Variants in MGST1 observed in about 807,000 individuals in gnomAD.
MGST1 encodes the protein microsomal glutathione S-transferase 1.
Under a neutral mutation model 8.9 loss-of-function variants are expected in MGST1, and 5 were observed. The observed-to-expected ratio is 0.56, with a 90% CI of 0.29 to 1.19. MGST1 has a LOEUF of 1.19. MGST1 is among the 50% of genes most tolerant of loss of function. MGST1 has a pLI of 0.08. For synonymous variants in MGST1, 54 were observed against 67.8 expected, an observed-to-expected ratio of 0.80 and a Z score of 1.00; for missense variants, 182 against 187.4, an observed-to-expected ratio of 0.97 and a Z score of 0.17.
chr12:16,480,252 C>T (rs972331994), intron 4 of MGST1, among the ~76,000 whole-genome samples: 2 of 150,716 alleles, frequency 1.3e-5, no homozygotes, highest in African/African-American at 4.9e-5. Flanking sequence ...AAGCAATTCT[C>T]CTGCCTCAAC....
Position 16,401,885 on chromosome 12 carries a change from C to G in MGST1, n.778+18281C>G, listed in dbSNP as rs565193787. The G allele has an allele frequency of 6.2e-7, 1 of 1,602,162 alleles. No individual in the cohort carries two copies. Among genetic ancestry groups the G allele is most frequent in the African/African-American group, 1.3e-5 (1 of 74,646 alleles). On this transcript the variant is annotated intron_variant and non_coding_transcript_variant, in intron 1 of 1. Transcript: ENST00000359720. The surrounding 1 kb of genome is among the most constrained non-coding windows in gnomAD (Gnocchi z 4.3). ...CAGCTGCTTTCTTCATTAATTTGAG[C>G]TCCCCATCCTCCCTTACAGCGACTG...
At chr12:16,488,196 A>G (rs1941413114) in intron 4 of MGST1, among the ~76,000 whole-genome samples, 1 of 152,216 alleles carries the variant, frequency 6.6e-6, no homozygotes, top group Non-Finnish European at 1.5e-5. Flanking sequence ...TTTCTGAACA[A>G]TTTAATTTCT....
chr12:16,479,211 T>TATAA (rs1555106413), intron 4 of MGST1, among the ~76,000 whole-genome samples: 3 of 150,546 alleles, frequency 2.0e-5, no homozygotes, highest in South Asian at 4.2e-4. Flanking sequence ...TATATATATA[T>TATAA]AACGTATTTT....
At chr12:16,590,457 A>G (rs1379205105), downstream of MGST1, among the ~76,000 whole-genome samples, 4 of 152,116 alleles carry the variant, frequency 2.6e-5, no homozygotes, top group African/African-American at 7.2e-5. Context: ...TAACTATAAG[A>G]TAATTAAATA....
chr12:16,512,642 G>A lies in MGST1; in HGVS notation n.483-76886G>A, dbSNP rs147111643. On this transcript the variant is annotated intron_variant and non_coding_transcript_variant, in intron 4 of 4. Transcript: ENST00000538857. ...AATATGAAATCTTTATATAGACATC[G>A]CAGACAAAACATAAAATCTGTTCAA... Among the ~76,000 whole-genome samples the A allele has an allele frequency of 4.6e-4, 70 of 151,786 alleles. No individual in the cohort carries two copies. In the East Asian group the frequency reaches 6.8e-3, roughly 15 times the overall value.
chr12:16,371,279 TAAA>T (rs1940288730), intron 3 of MGST1, among the ~76,000 whole-genome samples: 1 of 152,022 alleles, frequency 6.6e-6, no homozygotes, highest in South Asian at 2.1e-4. Flanking sequence ...ACAGATAAAA[TAAA>T]AGAAAAATGT....
chr12:16,570,255 G>A (rs904818492), intron 4 of MGST1, among the ~76,000 whole-genome samples: 3 of 151,968 alleles, frequency 2.0e-5, no homozygotes, highest in South Asian at 2.1e-4. Flanking sequence ...CCTAAAAATC[G>A]GCATTGAAGT....
At position 16,431,770 on chromosome 12, in the gene MGST1, T is replaced by C. The variant is rs193187532; in HGVS notation, n.779-5618T>C. Among the ~76,000 whole-genome samples, 8 of 152,322 alleles carry C rather than the reference T, an allele frequency of 5.3e-5. 1 individual carries two copies. The highest frequency in any genetic ancestry group is 1.7e-4 in the African/African-American group (7 of 41,570). ...TGAATGCATGCTGTTGGGAAAATTA[T>C]GTTGATAGACTTTTTTGATGCAGGG... On this transcript the variant is annotated intron_variant and non_coding_transcript_variant, in intron 1 of 1. Coordinates refer to the MGST1 transcript ENST00000359720.
intron 4 of MGST1, among the ~76,000 whole-genome samples, chr12:16,464,703 AC>A (rs1941242320): frequency 6.6e-6 from 1 of 152,220 alleles, no homozygotes; most frequent in Admixed American, 6.5e-5. Flanking sequence ...TCTTCAAGTG[AC>A]AGTGAGTTCA....
At chr12:16,454,842 T>TA (rs1175658633) in intron 4 of MGST1, among the ~76,000 whole-genome samples, 4 of 86,074 alleles carry the variant, frequency 4.6e-5, no homozygotes, top group African/African-American at 1.1e-4. Flanking sequence ...GTAATTAATG[T>TA]AAAAAAATCA....
At chr12:16,491,355 G>C (rs538134126) in intron 4 of MGST1, among the ~76,000 whole-genome samples, 1 of 152,128 alleles carries the variant, frequency 6.6e-6, no homozygotes, top group African/African-American at 2.4e-5. Flanking sequence ...ATGATTAATT[G>C]TTCTATGTTA....
intron 4 of MGST1, among the ~76,000 whole-genome samples, chr12:16,444,183 G>GTTT (rs1161206533): frequency 6.7e-4 from 86 of 128,420 alleles, no homozygotes; most frequent in African/African-American, 9.1e-4. Context: ...GGCTGATTTG[G>GTTT]TTTTTTTTTT....
At chr12:16,579,937 A>G (rs1051854488) in intron 4 of MGST1, among the ~76,000 whole-genome samples, 1 of 152,172 alleles carries the variant, frequency 6.6e-6, no homozygotes, top group Non-Finnish European at 1.5e-5. Context: ...ATCTGTTGGT[A>G]TTTAAGTAAT....
downstream of MGST1, among the ~76,000 whole-genome samples, chr12:16,379,196 T>A (rs1424794665): frequency 6.6e-6 from 1 of 151,988 alleles, no homozygotes; most frequent in Non-Finnish European, 1.5e-5. Flanking sequence ...TGAATAGGAG[T>A]GGTGAGAGAA....
At chr12:16,417,742 C>T (rs187636457) in intron 1 of MGST1, among the ~76,000 whole-genome samples, 18 of 152,228 alleles carry the variant, frequency 1.2e-4, no homozygotes, top group Admixed American at 1.0e-3. Context: ...ATATTTGGAG[C>T]TGTGAAAAAC....
intron 4 of MGST1, among the ~76,000 whole-genome samples, chr12:16,588,803 A>G (rs187827514): frequency 4.5e-4 from 68 of 151,950 alleles, no homozygotes; most frequent in African/African-American, 1.6e-3. Flanking sequence ...ATTATTAATC[A>G]CTCTTAAACC....
In MGST1 at chr12:16,510,451, A is replaced by G. The variant is rs185387161; in HGVS notation, n.483-79077A>G. On this transcript the variant is annotated intron_variant and non_coding_transcript_variant, in intron 4 of 4. Transcript: ENST00000538857. ...AAAATTTGTACAAAAATAATTATGG[A>G]TGAAACAGAAAGCTATGCCTTAACA... Among the ~76,000 whole-genome samples the G allele has an allele frequency of 2.0e-5, 3 of 152,342 alleles. No individual in the cohort carries two copies. The East Asian group carries it at 5.8e-4, about 29-fold the overall frequency.
intron 3 of MGST1, among the ~76,000 whole-genome samples, chr12:16,375,849 A>G (rs2137031341): frequency 6.6e-6 from 1 of 152,056 alleles, no homozygotes; most frequent in African/African-American, 2.4e-5. Flanking sequence ...AATATGACTT[A>G]CCATATTAGA....
intron 1 of MGST1, among the ~76,000 whole-genome samples, chr12:16,414,199 A>G (rs1218070701): frequency 1.3e-5 from 2 of 151,730 alleles, no homozygotes; most frequent in Admixed American, 1.3e-4. Context: ...TCTAGCTACT[A>G]GCTTTTATAG....
Sources: allele counts gnomAD v4.1 joint callset (sites outside exome capture counted in the v4.1 genomes callset), GRCh38; gene constraint gnomAD v4.1.1; non-coding constraint Gnocchi (gnomAD v3.1); transcripts MANE v1.5; gene names NCBI Gene and HGNC (gene_info 2026-07-23, HGNC 2026-07-21).